Variants in UGT1A9 observed in about 807,000 individuals in gnomAD.
The protein encoded by UGT1A9 is UDP glucuronosyltransferase family 1 member A9, also known as UDP-glucuronosyltransferase 1A9.
UGT1A9 carries 35 observed loss-of-function variants against 45.0 expected under a neutral mutation model. The ratio of observed to expected loss-of-function variants is 0.78; its 90% confidence interval spans 0.59 to 1.03. The LOEUF (loss-of-function observed/expected upper bound fraction) is 1.03, where lower values mean the gene tolerates loss of function less well. Among genes scored for constraint, UGT1A9 ranks in the 50% least tolerant of loss-of-function variants. The pLI is 0.00. For synonymous variants in UGT1A9, 278 were observed against 250.6 expected (o/e 1.11, Z -1.03); for missense variants, 687 against 666.6 (o/e 1.03, Z -0.34).
chr2:233,727,005 A>G (rs937597843), intron 1 of UGT1A9, among the ~76,000 whole-genome samples: 3 of 152,154 alleles, frequency 2.0e-5, no homozygotes, highest in African/African-American at 7.2e-5. Context: ...GCAAAGTTTT[A>G]TCATTTGTTG....
chr2:233,729,269 T>C, intron 1 of UGT1A9: 1 of 1,614,208 alleles, frequency 6.2e-7, no homozygotes, highest in Non-Finnish European at 8.5e-7. Context: ...CGGGAGGTCT[T>C]GCGGGAGCTC....
Position 233,681,763 on chromosome 2 carries a change from A to G in UGT1A9, c.855+8974A>G. 5 of 908,700 alleles carry G rather than the reference A, an allele frequency of 5.5e-6. 1 individual carries two copies. In the South Asian group the frequency reaches 2.5e-4, roughly 46 times the overall value. The allele number at this position is 908,700 out of a possible 1,614,324, so 56.3% of individuals were successfully genotyped here. ...AAACATATAAGCAGGTATCTCAGCAAAGGCTACTCATGTATTATTATGAGT... is the reference window on the plus strand; with the variant it reads ...AAACATATAAGCAGGTATCTCAGCAGAGGCTACTCATGTATTATTATGAGT... On this transcript the variant is annotated intron_variant, in intron 1 of 4. Transcript: ENST00000354728.
chr2:233,755,009 G>C (rs1198421851), intron 1 of UGT1A9: 1 of 1,292,254 alleles, frequency 7.7e-7, no homozygotes, highest in African/African-American at 1.5e-5. Context: ...AGACCTACTC[G>C]AAGGGGTCCT....
chr2:233,732,773 C>CTTTT (rs2078315229), intron 1 of UGT1A9, among the ~76,000 whole-genome samples: 1 of 103,190 alleles, frequency 9.7e-6, no homozygotes, highest in Admixed American at 1.1e-4. Flanking sequence ...TTTTTTTTTG[C>CTTTT]TTAGGATTGT....
chr2:233,713,180 G>A (rs771375365), intron 1 of UGT1A9: 21 of 1,614,082 alleles, frequency 1.3e-5, no homozygotes, highest in South Asian at 8.8e-5. Context: ...TCCTCACCCT[G>A]GAGGTGAATA....
intron 1 of UGT1A9, chr2:233,713,996 A>G: frequency 6.4e-7 from 1 of 1,559,392 alleles, no homozygotes; most frequent in Non-Finnish European, 8.7e-7. Context: ...AATAGTCTTC[A>G]GTGAGATAAA....
chr2:233,693,131 AAGGATATAGTTG>A, intron 1 of UGT1A9: 2 of 1,614,212 alleles, frequency 1.2e-6, no homozygotes, highest in Non-Finnish European at 1.7e-6. Flanking sequence ...GCTTAGTATG[AAGGATATAGTTG>A]AGGTTCTCAG....
chr2:233,699,028 C>T (rs1427032707), intron 1 of UGT1A9, among the ~76,000 whole-genome samples: 1 of 152,216 alleles, frequency 6.6e-6, no homozygotes, highest in Non-Finnish European at 1.5e-5. Flanking sequence ...AGCCACCAGG[C>T]AGTCCCAGAT....
At chr2:233,756,127 T>C (rs1396656487) in intron 1 of UGT1A9, 2 of 152,258 alleles carry the variant, frequency 1.3e-5, no homozygotes, top group African/African-American at 4.8e-5. Context: ...TGTAAAATTC[T>C]CCTGAAAAAT....
chr2:233,758,992 G>A (rs561211595), intron 1 of UGT1A9, among the ~76,000 whole-genome samples: 1 of 152,306 alleles, frequency 6.6e-6, no homozygotes, highest in Non-Finnish European at 1.5e-5. Flanking sequence ...CCAGTGGAAT[G>A]AGTACAATTT....
chr2:233,674,673 G>A (rs1167062952), intron 1 of UGT1A9, among the ~76,000 whole-genome samples: 1 of 152,122 alleles, frequency 6.6e-6, no homozygotes, highest in African/African-American at 2.4e-5. Flanking sequence ...AAATAAATGT[G>A]TTTATGTGTC....
chr2:233,682,896 T>C (rs2074606166), intron 1 of UGT1A9: 1 of 1,507,006 alleles, frequency 6.6e-7, no homozygotes. Flanking sequence ...CCATTTGGAA[T>C]TTCTTTCTGG....
At chr2:233,716,925 G>T (rs1351341849) in intron 1 of UGT1A9, among the ~76,000 whole-genome samples, 6 of 152,158 alleles carry the variant, frequency 3.9e-5, no homozygotes, top group African/African-American at 1.4e-4. Context: ...CTGATGCCTT[G>T]GGCAGCTCCT....
At chr2:233,711,526 C>T (rs1484293878) in intron 1 of UGT1A9, among the ~76,000 whole-genome samples, 1 of 152,234 alleles carries the variant, frequency 6.6e-6, no homozygotes, top group Non-Finnish European at 1.5e-5. Flanking sequence ...GTCCTCACAA[C>T]TCCCCGGGAA....
intron 1 of UGT1A9, among the ~76,000 whole-genome samples, chr2:233,730,806 G>A (rs374048907): frequency 3.9e-5 from 6 of 152,118 alleles, no homozygotes; most frequent in Admixed American, 6.5e-5. Context: ...ATGGACATGC[G>A]TCCAAGAAGG....
intron 1 of UGT1A9, among the ~76,000 whole-genome samples, chr2:233,701,032 C>G (rs559298566): frequency 6.6e-6 from 1 of 152,118 alleles, no homozygotes; most frequent in African/African-American, 2.4e-5. Flanking sequence ...ATCCATGTCC[C>G]TACAAAGGAC....
chr2:233,726,720 A>G (rs1047156507), intron 1 of UGT1A9, among the ~76,000 whole-genome samples: 16 of 152,220 alleles, frequency 1.1e-4, no homozygotes, highest in African/African-American at 3.4e-4. Context: ...AGGAAGTACA[A>G]TGTAGATACT....
chr2:233,729,516 G>A, intron 1 of UGT1A9: 1 of 1,614,186 alleles, frequency 6.2e-7, no homozygotes, highest in Non-Finnish European at 8.5e-7. Flanking sequence ...CTTGTGTGGA[G>A]CTACTACATA....
chr2:233,734,814 T>C (rs1435677424), intron 1 of UGT1A9, among the ~76,000 whole-genome samples: 1 of 152,246 alleles, frequency 6.6e-6, no homozygotes, highest in East Asian at 1.9e-4. Flanking sequence ...TTCCATGTAG[T>C]TGTGCGATTT....
Sources: allele counts gnomAD v4.1 joint callset (sites outside exome capture counted in the v4.1 genomes callset), GRCh38; gene constraint gnomAD v4.1.1; transcripts MANE v1.5; gene names NCBI Gene and HGNC (gene_info 2026-07-23, HGNC 2026-07-21).